TAF1B: variants seen among roughly 807,000 people sequenced by gnomAD.
TAF1B encodes the protein TATA box-binding protein-associated factor RNA polymerase I subunit B.
Under a neutral mutation model 83.9 loss-of-function variants are expected in TAF1B, and 61 were observed. The ratio of observed to expected loss-of-function variants is 0.73; its 90% confidence interval spans 0.59 to 0.90. The LOEUF (loss-of-function observed/expected upper bound fraction) is 0.90, where lower values mean the gene tolerates loss of function less well. Among genes scored for constraint, TAF1B ranks in the 40% least tolerant of loss-of-function variants. The probability of loss-of-function intolerance (pLI) is 0.00; values close to 1 mark genes in which losing one functional copy is unlikely to be tolerated. For missense variants in TAF1B, 625 were observed against 677.0 expected, an observed-to-expected ratio of 0.92 and a Z score of 0.85; for synonymous variants, 221 against 224.6, an observed-to-expected ratio of 0.98 and a Z score of 0.14.
chr2:9,887,093 A>G (rs1258882076), intron 8 of TAF1B, among the ~76,000 whole-genome samples: 2 of 152,172 alleles, frequency 1.3e-5, no homozygotes, highest in East Asian at 1.9e-4. Flanking sequence ...TTGCCCACCT[A>G]TGGGGAGTGT....
At chr2:9,918,062 A>G (rs928126298) in intron 12 of TAF1B, among the ~76,000 whole-genome samples, 1 of 144,804 alleles carries the variant, frequency 6.9e-6, no homozygotes, top group African/African-American at 2.6e-5. Context: ...ACAGAGCGAG[A>G]CTCCGTCTCA....
intron 3 of TAF1B, among the ~76,000 whole-genome samples, chr2:9,851,334 G>A (rs888264673): frequency 7.2e-5 from 11 of 151,938 alleles, no homozygotes; most frequent in African/African-American, 2.4e-4. Context: ...TGTACACATT[G>A]CCAGGTTGGA....
At chr2:9,901,448 G>A (rs980786700) in intron 8 of TAF1B, among the ~76,000 whole-genome samples, 3 of 152,086 alleles carry the variant, frequency 2.0e-5, no homozygotes, top group African/African-American at 7.2e-5. Flanking sequence ...CTTTTAGTGT[G>A]GAAGTTTTGA....
chr2:9,932,427 C>T (rs1286252195), intron 14 of TAF1B, among the ~76,000 whole-genome samples: 1 of 152,250 alleles, frequency 6.6e-6, no homozygotes, highest in Non-Finnish European at 1.5e-5. Flanking sequence ...AGTCAGGTCC[C>T]TCAGCTGCAG....
intron 9 of TAF1B, among the ~76,000 whole-genome samples, chr2:9,909,970 ATTCAG>A (rs1296323795): frequency 6.6e-6 from 1 of 152,208 alleles, no homozygotes; most frequent in Non-Finnish European, 1.5e-5. Context: ...CATGTAGAAG[ATTCAG>A]TTCAGTTCCA....
rs770696071 is a variant in TAF1B at position 9,885,643 on chromosome 2, C to T, written c.807+2838C>T. Among the ~76,000 whole-genome samples, 7 of 152,048 alleles carry T rather than the reference C, an allele frequency of 4.6e-5. 1 individual carries two copies. The highest frequency in any genetic ancestry group is 4.4e-5 in the Non-Finnish European group (3 of 67,990). On this transcript the variant is annotated intron_variant, in intron 8 of 14. Coordinates refer to ENST00000263663, the MANE Select transcript of TAF1B (RefSeq NM_005680.3). Reference sequence around the variant, plus strand: ...TCACAGTTATTCAGTTTTCCTAGAGCGACTAGTGGAACTAAGTTACTACTT... The same window carrying T: ...TCACAGTTATTCAGTTTTCCTAGAGTGACTAGTGGAACTAAGTTACTACTT...
In TAF1B at chr2:9,910,869, GGTGGTA is replaced by G. The variant is rs1558263050; in HGVS notation, c.1090_1095del (p.Val364_Val365del). The G allele has an allele frequency of 6.2e-7, 1 of 1,612,646 alleles. No homozygotes were observed. Among genetic ancestry groups the G allele is most frequent in the African/African-American group, 1.3e-5 (1 of 74,916 alleles). ...ATGTACAAGCTGTAGCTATCATTGT[GGTGGTA>G]TTGAAACTGCTCTTTCTATTGGATG... On this transcript the variant is annotated inframe_deletion, in exon 10 of 15. Transcript: ENST00000263663.
chr2:9,894,187 C>T (rs1664952806), intron 8 of TAF1B, among the ~76,000 whole-genome samples: 1 of 152,240 alleles, frequency 6.6e-6, no homozygotes, highest in Admixed American at 6.5e-5. Context: ...AATAAGGACT[C>T]AGTCTGTGTT....
At chr2:9,886,477 T>C (rs1363840251) in intron 8 of TAF1B, among the ~76,000 whole-genome samples, 3 of 152,246 alleles carry the variant, frequency 2.0e-5, no homozygotes, top group Admixed American at 6.5e-5. Context: ...AGATATTGCT[T>C]CCTGTGCTGA....
intron 8 of TAF1B, among the ~76,000 whole-genome samples, chr2:9,884,252 C>T (rs1421465489): frequency 6.6e-6 from 1 of 152,172 alleles, no homozygotes; most frequent in Non-Finnish European, 1.5e-5. Flanking sequence ...ATGCCAGGAA[C>T]CACAGGGCCT....
chr2:9,876,210 T>G (rs937640528), intron 7 of TAF1B, among the ~76,000 whole-genome samples, 192 bp downstream of exon 7: 3 of 152,214 alleles, frequency 2.0e-5, no homozygotes, highest in African/African-American at 7.2e-5. Flanking sequence ...ATTTTCTTAT[T>G]TATGTAGTAG....
chr2:9,903,682 T>G (rs983077447), intron 8 of TAF1B, among the ~76,000 whole-genome samples: 3 of 152,202 alleles, frequency 2.0e-5, no homozygotes, highest in African/African-American at 4.8e-5. Flanking sequence ...GTGAATATTA[T>G]GTAACAGTGA....
At chr2:9,893,008 T>C (rs932363985) in intron 8 of TAF1B, among the ~76,000 whole-genome samples, 3 of 152,208 alleles carry the variant, frequency 2.0e-5, no homozygotes, top group African/African-American at 4.8e-5. Flanking sequence ...GTGGAAGATA[T>C]AAGCATAGAA....
chr2:9,910,910 A>AG lies in TAF1B; in HGVS notation c.1131dup (p.Trp378ValfsTer5). The AG allele has an allele frequency of 6.2e-7, 1 of 1,609,546 alleles. No homozygotes were observed. Among genetic ancestry groups the AG allele is most frequent in the South Asian group, 1.1e-5 (1 of 90,226 alleles). On this transcript the variant is annotated frameshift_variant, in exon 10 of 15. Coordinates refer to ENST00000263663, the MANE Select transcript of TAF1B (RefSeq NM_005680.3). LOFTEE classifies it high-confidence loss of function. Reference sequence around the variant, plus strand: ...CTCTTTCTATTGGATGACAGTTTCGAGTGGTAAGTGTACGTCAATTTTATG... The same window carrying AG: ...CTCTTTCTATTGGATGACAGTTTCGAGGTGGTAAGTGTACGTCAATTTTATG...
intron 1 of TAF1B, among the ~76,000 whole-genome samples, chr2:9,844,977 A>ACC (rs1311064584): frequency 6.7e-6 from 1 of 149,118 alleles, no homozygotes; most frequent in Admixed American, 6.6e-5. Context: ...TACCCCTACT[A>ACC]CCTCCTTTTC....
At chr2:9,843,795 T>G in intron 1 of TAF1B, 1 of 473,792 alleles carries the variant, frequency 2.1e-6, no homozygotes, top group Non-Finnish European at 3.7e-6. Context: ...AGGGAGGGTG[T>G]GGTGTTTGTC....
At chr2:9,909,295 A>G (rs977493493) in intron 9 of TAF1B, among the ~76,000 whole-genome samples, 6 of 152,258 alleles carry the variant, frequency 3.9e-5, no homozygotes, top group African/African-American at 7.2e-5. Flanking sequence ...AGAAGGGTAC[A>G]TGCCAGGACA....
chr2:9,930,814 T>C (rs1052823290), intron 14 of TAF1B, among the ~76,000 whole-genome samples: 3 of 152,232 alleles, frequency 2.0e-5, no homozygotes, highest in Non-Finnish European at 4.4e-5. Flanking sequence ...TAAGTCTTTG[T>C]AGGTCTCTGA....
At chr2:9,927,074 A>G (rs1305279957) in intron 14 of TAF1B, among the ~76,000 whole-genome samples, 3 of 128,876 alleles carry the variant, frequency 2.3e-5, no homozygotes, top group Non-Finnish European at 3.1e-5. Flanking sequence ...CCTGTGTCCA[A>G]GTGTTCTCAT....
Sources: allele counts gnomAD v4.1 joint callset (sites outside exome capture counted in the v4.1 genomes callset), GRCh38; gene constraint gnomAD v4.1.1; transcripts MANE v1.5; gene names NCBI Gene and HGNC (gene_info 2026-07-23, HGNC 2026-07-21).